ARHGEF4: variants seen among roughly 807,000 people sequenced by gnomAD.
ARHGEF4 encodes the protein APC-stimulated guanine nucleotide exchange factor 1.
ARHGEF4 carries 119 observed loss-of-function variants against 162.0 expected under a neutral mutation model. The ratio of observed to expected loss-of-function variants is 0.73; its 90% confidence interval spans 0.63 to 0.86. ARHGEF4 has a LOEUF of 0.86. Ranked by LOEUF, ARHGEF4 falls within the 40% of genes least tolerant of loss-of-function variation. ARHGEF4 has a pLI of 0.00. For synonymous variants in ARHGEF4, 1,014 were observed against 979.9 expected, an observed-to-expected ratio of 1.03 and a Z score of -0.65; for missense variants, 2,488 against 2,456.0, an observed-to-expected ratio of 1.01 and a Z score of -0.28.
intron 4 of ARHGEF4, among the ~76,000 whole-genome samples, chr2:130,987,476 G>A (rs1686598257): frequency 6.6e-6 from 1 of 152,210 alleles, no homozygotes; most frequent in African/African-American, 2.4e-5. Flanking sequence ...GGGGGTTGCA[G>A]CTTCTGGTTG....
At chr2:131,016,518 T>C (rs1688785059) in intron 4 of ARHGEF4, among the ~76,000 whole-genome samples, 2 of 152,276 alleles carry the variant, frequency 1.3e-5, no homozygotes, top group Admixed American at 1.3e-4. Flanking sequence ...TATGCCAGAC[T>C]CTTTAGAGAA....
intron 1 of ARHGEF4, among the ~76,000 whole-genome samples, chr2:130,881,751 G>A (rs533777470): frequency 2.1e-4 from 32 of 152,132 alleles, no homozygotes; most frequent in African/African-American, 4.6e-4. Flanking sequence ...TTGCGTGGGC[G>A]AGATGGCGAT....
intron 2 of ARHGEF4, among the ~76,000 whole-genome samples, chr2:130,927,978 T>G (rs1318179125): frequency 1.3e-5 from 2 of 152,202 alleles, no homozygotes; most frequent in Non-Finnish European, 2.9e-5. Context: ...CTTCAGGTTA[T>G]TAATTTTAGT....
chr2:131,035,816 T>C (rs1470103848), intron 5 of ARHGEF4: 1 of 985,384 alleles, frequency 1.0e-6, no homozygotes, highest in Non-Finnish European at 1.2e-6. Flanking sequence ...TGTTCACAGC[T>C]GCCCCCACCC....
At chr2:130,892,978 G>A (rs1052359430) in intron 1 of ARHGEF4, among the ~76,000 whole-genome samples, 1 of 152,176 alleles carries the variant, frequency 6.6e-6, no homozygotes, top group African/African-American at 2.4e-5. Context: ...TTACTTTCCT[G>A]TTTACGGGAC....
rs771588447 is a variant in ARHGEF4, at chr2:131,028,102, C to T, written c.4125+18C>T. Reference sequence around the variant, plus strand: ...TCAATGAGGTAGGGTCAGGGCTGCACGGGCAGAGGGAGGGACAGGCTGGGG... The same window carrying T: ...TCAATGAGGTAGGGTCAGGGCTGCATGGGCAGAGGGAGGGACAGGCTGGGG... On this transcript the variant is annotated intron_variant, in intron 5 of 13. Transcript: ENST00000409359. 2.5e-5 allele frequency: 40 copies of T among 1,612,606 alleles called. No homozygotes were observed. The Middle Eastern group carries it at 5.2e-4, about 21-fold the overall frequency.
chr2:131,020,296 T>A (rs370212467), intron 4 of ARHGEF4, among the ~76,000 whole-genome samples: 75 of 150,218 alleles, frequency 5.0e-4, no homozygotes, highest in Non-Finnish European at 8.7e-4. Context: ...CCATTAACTC[T>A]TCATTTAACA....
At chr2:130,983,718 C>G (rs1431495266) in intron 4 of ARHGEF4, among the ~76,000 whole-genome samples, 1 of 151,914 alleles carries the variant, frequency 6.6e-6, no homozygotes, top group Non-Finnish European at 1.5e-5. Context: ...GGCGCCATCT[C>G]AGCTCACTGC....
At chr2:130,889,117 A>AC (rs1243783357) in intron 1 of ARHGEF4, among the ~76,000 whole-genome samples, 1 of 151,726 alleles carries the variant, frequency 6.6e-6, no homozygotes, top group African/African-American at 2.4e-5. Context: ...AAAAAAAAAA[A>AC]AGAAAGAAAG....
At chr2:130,856,638 C>T (rs941741265) in intron 1 of ARHGEF4, among the ~76,000 whole-genome samples, 6 of 152,054 alleles carry the variant, frequency 3.9e-5, no homozygotes, top group Non-Finnish European at 5.9e-5. Flanking sequence ...AAAGTGATTG[C>T]GGAAAATAAT....
chr2:130,870,937 C>T (rs1678438045), intron 1 of ARHGEF4, among the ~76,000 whole-genome samples: 1 of 152,124 alleles, frequency 6.6e-6, no homozygotes, highest in South Asian at 2.1e-4. Context: ...TAAGTGCTGT[C>T]AGCCCAGGAA....
At chr2:130,967,692 C>T (rs1039423463) in intron 4 of ARHGEF4, among the ~76,000 whole-genome samples, 1 of 152,144 alleles carries the variant, frequency 6.6e-6, no homozygotes, top group African/African-American at 2.4e-5. Flanking sequence ...ACATTTCTTG[C>T]CCTTAAAGAA....
At chr2:130,945,579 C>T (rs1384477878) in intron 3 of ARHGEF4, among the ~76,000 whole-genome samples, 2 of 152,084 alleles carry the variant, frequency 1.3e-5, no homozygotes, top group African/African-American at 4.8e-5. Context: ...CTTTTGGAGT[C>T]CTTTATGTCC....
rs1055831425 is a variant in ARHGEF4 at position 130,931,001 on chromosome 2, A to G, written c.3602A>G (p.His1201Arg). ...GCAGGTGAGAAGCCCAGTTGCTCTC[A>G]CAGTCAGAAGGCGTTCCACATGGAG... ...EPAGEKPSCS[H>R]SQKAFHMEPA... Residue 1201 changes from histidine (H) to arginine (R), a missense_variant, in exon 3 of 14, where the codon CAC (histidine) becomes CGC (arginine). By Grantham distance (29) the His-to-Arg change is conservative (BLOSUM62 0). Coordinates refer to ENST00000409359, the MANE Select transcript of ARHGEF4 (RefSeq NM_001367493.1). The G allele has an allele frequency of 9.3e-6, 15 of 1,613,268 alleles. No homozygotes were observed. The highest frequency in any genetic ancestry group is 1.3e-5 in the Non-Finnish European group (15 of 1,179,430).
chr2:130,905,524 T>G, intron 1 of ARHGEF4, among the ~76,000 whole-genome samples: 1 of 152,180 alleles, frequency 6.6e-6, no homozygotes, highest in Non-Finnish European at 1.5e-5. Context: ...TTTTCAGTAT[T>G]TTATTAACTG....
rs1488736892 is a variant in ARHGEF4 at position 131,044,519 on chromosome 2, A to T, written c.5378A>T (p.Gln1793Leu). ...WLKAFARERE[Q>L]VQLDQETGFS... ...AAGGCCTTTGCCAGGGAGAGGGAGCAGGTGCAGCTGGACCAGGAGACAGGT... is the reference window on the plus strand; with the variant it reads ...AAGGCCTTTGCCAGGGAGAGGGAGCTGGTGCAGCTGGACCAGGAGACAGGT... The change falls in exon 12 of 14, where the codon CAG becomes CTG. Residue 1793 changes from glutamine (Q) to leucine (L), a missense_variant. By Grantham distance (113) the Gln-to-Leu change is moderately radical (BLOSUM62 -2). Coordinates refer to ENST00000409359, the MANE Select transcript of ARHGEF4 (RefSeq NM_001367493.1). 2 of 1,550,918 alleles carry T rather than the reference A, an allele frequency of 1.3e-6. No homozygotes were observed. Among genetic ancestry groups the T allele is most frequent in the African/African-American group, 2.7e-5 (2 of 73,096 alleles).
chr2:131,003,414 C>T (rs577042320), intron 4 of ARHGEF4, among the ~76,000 whole-genome samples: 2 of 152,304 alleles, frequency 1.3e-5, no homozygotes, highest in African/African-American at 2.4e-5. Flanking sequence ...ACGCATCTCT[C>T]GTCATTTCTG....
intron 3 of ARHGEF4, among the ~76,000 whole-genome samples, chr2:130,932,229 C>G (rs1682679537): frequency 1.3e-5 from 2 of 152,180 alleles, no homozygotes; most frequent in South Asian, 4.1e-4. Flanking sequence ...ATCAATACTT[C>G]ATTTCTTTGT....
At chr2:131,003,883 G>A (rs139083757) in intron 4 of ARHGEF4, among the ~76,000 whole-genome samples, 1 of 152,158 alleles carries the variant, frequency 6.6e-6, no homozygotes, top group Admixed American at 6.5e-5. Context: ...GGGTAACTGG[G>A]TAATAACGAC....
Sources: allele counts gnomAD v4.1 joint callset (sites outside exome capture counted in the v4.1 genomes callset), GRCh38; gene constraint gnomAD v4.1.1; transcripts MANE v1.5; gene names NCBI Gene and HGNC (gene_info 2026-07-23, HGNC 2026-07-21).